Variants in RAD51B observed in about 807,000 individuals in gnomAD.
RAD51B encodes RAD51 paralog B.
A neutral mutation model predicts 42.2 loss-of-function variants in RAD51B; 38 were observed. The observed-to-expected ratio is 0.90, with a 90% CI of 0.70 to 1.18. RAD51B has a LOEUF of 1.18. RAD51B is among the 50% of genes most tolerant of loss of function. RAD51B has a pLI of 0.00. For synonymous variants in RAD51B, 154 were observed against 145.2 expected (o/e 1.06, Z -0.43); for missense variants, 373 against 400.7 (o/e 0.93, Z 0.59).
At chr14:68,119,259 G>A (rs2077602698) in intron 7 of RAD51B, among the ~76,000 whole-genome samples, 1 of 139,818 alleles carries the variant, frequency 7.2e-6, no homozygotes, top group Non-Finnish European at 1.6e-5. Context: ...AGTTCTTGAT[G>A]TTAATTTCTT....
intron 7 of RAD51B, among the ~76,000 whole-genome samples, chr14:68,183,521 C>T (rs2079094651): frequency 6.6e-6 from 1 of 152,164 alleles, no homozygotes; most frequent in African/African-American, 2.4e-5. Context: ...CACAGACACA[C>T]CCAGGAATAA....
intron 5 of RAD51B, 59 bp from the exon 6 acceptor site, chr14:67,885,810 G>A (rs1013678061): frequency 6.5e-7 from 1 of 1,530,544 alleles, no homozygotes; most frequent in Non-Finnish European, 8.8e-7. Context: ...TAGAGATTCA[G>A]CAATGTGGCT....
At chr14:68,600,447 C>G (rs6573843), downstream of RAD51B, among the ~76,000 whole-genome samples, 23,291 of 152,094 alleles carry the variant, frequency 0.15, 1,945 homozygotes, top group African/African-American at 0.19. Flanking sequence ...TAACTGATCC[C>G]ACAGGAGCCA....
intron 10 of RAD51B, among the ~76,000 whole-genome samples, chr14:68,508,256 T>C (rs1235489614): frequency 2.0e-5 from 3 of 152,082 alleles, no homozygotes; most frequent in Non-Finnish European, 4.4e-5. Flanking sequence ...ATTCACAACA[T>C]CTAGTCACTT....
At chr14:67,823,725 C>A in intron 2 of RAD51B, 98 bp downstream of exon 2, 12 of 888,826 alleles carry the variant, frequency 1.4e-5, no homozygotes, top group Admixed American at 8.5e-5. Flanking sequence ...TGTAGGCTTA[C>A]AAAAAAAAGA....
chr14:67,973,839 T>A (rs991544395), intron 7 of RAD51B, among the ~76,000 whole-genome samples: 1 of 152,192 alleles, frequency 6.6e-6, no homozygotes, highest in Non-Finnish European at 1.5e-5. Flanking sequence ...AATAGACATT[T>A]AAAAAGCAAG....
intron 3 of RAD51B, among the ~76,000 whole-genome samples, chr14:67,827,496 C>T (rs539635989): frequency 1.3e-4 from 19 of 151,740 alleles, no homozygotes; most frequent in Non-Finnish European, 1.9e-4. Flanking sequence ...TTGTAAGTTC[C>T]GGGGTACATG....
At chr14:68,105,907 A>G (rs1410750806) in intron 7 of RAD51B, among the ~76,000 whole-genome samples, 2 of 151,930 alleles carry the variant, frequency 1.3e-5, no homozygotes, top group African/African-American at 4.8e-5. Flanking sequence ...ATTTGCAACT[A>G]TGGGAATGAA....
intron 7 of RAD51B, among the ~76,000 whole-genome samples, chr14:68,160,604 A>G (rs1464341412): frequency 2.6e-5 from 4 of 152,130 alleles, no homozygotes; most frequent in Non-Finnish European, 5.9e-5. Flanking sequence ...ATTAATTTTG[A>G]TTTTTTAAAA....
chr14:68,296,952 A>G (rs1044208000), intron 8 of RAD51B, among the ~76,000 whole-genome samples: 2 of 152,198 alleles, frequency 1.3e-5, no homozygotes, highest in African/African-American at 4.8e-5. Flanking sequence ...TCCTAGAACC[A>G]AGAGTGGTTT....
intron 8 of RAD51B, among the ~76,000 whole-genome samples, chr14:68,396,380 C>G (rs2140032510): frequency 1.3e-5 from 2 of 152,258 alleles, no homozygotes; most frequent in East Asian, 3.9e-4. Context: ...TTCACATTCA[C>G]CTTCTGCTGG....
intron 9 of RAD51B, among the ~76,000 whole-genome samples, chr14:68,457,520 AC>A (rs1173041406): frequency 2.0e-5 from 3 of 152,170 alleles, no homozygotes; most frequent in Non-Finnish European, 4.4e-5. Flanking sequence ...CATATTTTTG[AC>A]TGTATAAATT....
intron 5 of RAD51B, among the ~76,000 whole-genome samples, chr14:67,876,077 A>C (rs1595047165): frequency 6.6e-6 from 1 of 152,208 alleles, no homozygotes; most frequent in Admixed American, 6.6e-5. Flanking sequence ...AAAGTTTCTC[A>C]GATAGAAAGT....
chr14:67,848,856 T>C (rs905955975), intron 4 of RAD51B, among the ~76,000 whole-genome samples: 6 of 152,222 alleles, frequency 3.9e-5, no homozygotes, highest in African/African-American at 1.4e-4. Context: ...TGAAGCTTAG[T>C]TTGTGGGATA....
chr14:68,648,134 TATATATATATATACACACAC>T (rs1381765737), intron 10 of RAD51B, among the ~76,000 whole-genome samples: 10 of 96,972 alleles, frequency 1.0e-4, no homozygotes, highest in Admixed American at 2.0e-4. Context: ...TACACACACG[TATATATATATATACACACAC>T]GTATATATAT....
chr14:68,613,273 C>T (rs1891740857), downstream of RAD51B, among the ~76,000 whole-genome samples: 3 of 151,976 alleles, frequency 2.0e-5, no homozygotes, highest in South Asian at 6.2e-4. Context: ...AAACAATTAG[C>T]CAGGCATGGT....
At chr14:68,668,012 G>A (rs1432890874) in intron 11 of RAD51B, among the ~76,000 whole-genome samples, 1 of 152,154 alleles carries the variant, frequency 6.6e-6, no homozygotes, top group Non-Finnish European at 1.5e-5. Context: ...GCACTTCCCT[G>A]GCCTGGGTCT....
chr14:67,912,374 T>C (rs2044012320), intron 7 of RAD51B, among the ~76,000 whole-genome samples: 7 of 152,330 alleles, frequency 4.6e-5, no homozygotes, highest in Middle Eastern at 3.4e-3. Flanking sequence ...CTAGGCATTA[T>C]GCTAGGTATA....
chr14:68,132,823 C>T (rs1029959637), intron 7 of RAD51B, among the ~76,000 whole-genome samples: 2 of 152,224 alleles, frequency 1.3e-5, no homozygotes, highest in Non-Finnish European at 2.9e-5. Context: ...GGTTATACAT[C>T]TCCCAACAAT....
Sources: gnomAD v4.1 joint callset for allele counts (sites outside exome capture counted in the v4.1 genomes callset) on GRCh38, gnomAD v4.1.1 for gene constraint, MANE v1.5 for transcripts, NCBI Gene and HGNC (gene_info 2026-07-23, HGNC 2026-07-21) for gene names.